ERC2: variants seen among roughly 807,000 people sequenced by gnomAD.
ERC2 encodes the protein ELKS/RAB6-interacting/CAST family member 2.
ERC2 carries 42 observed loss-of-function variants against 114.8 expected under a neutral mutation model. The ratio of observed to expected loss-of-function variants is 0.37; its 90% confidence interval spans 0.29 to 0.47. The LOEUF (loss-of-function observed/expected upper bound fraction) is 0.47, where lower values mean the gene tolerates loss of function less well. Among genes scored for constraint, ERC2 ranks in the 20% least tolerant of loss-of-function variants. The pLI is 0.99. For synonymous variants in ERC2, 454 were observed against 425.5 expected (o/e 1.07, Z -0.82); for missense variants, 939 against 1,150.7 (o/e 0.82, Z 2.66).
At position 56,081,920 on chromosome 3, in the gene ERC2, C is replaced by T. The variant is rs571550624; in HGVS notation, c.1474-936G>A. Reference sequence around the variant, plus strand: ...CCATGTTTATAAATGTACACTAATCCAGTCTTAAAATGCAACTGTGACAAA... The same window carrying T: ...CCATGTTTATAAATGTACACTAATCTAGTCTTAAAATGCAACTGTGACAAA... On this transcript the variant is annotated intron_variant, in intron 6 of 17. Coordinates refer to ENST00000288221, the MANE Select transcript of ERC2 (RefSeq NM_015576.3). Among the ~76,000 whole-genome samples the T allele has an allele frequency of 1.7e-3, 255 of 152,198 alleles. 1 individual carries two copies. Among genetic ancestry groups the T allele is most frequent in the African/African-American group, 5.8e-3 (239 of 41,532 alleles).
intron 14 of ERC2, among the ~76,000 whole-genome samples, chr3:55,791,027 T>C (rs2069966650): frequency 6.6e-6 from 1 of 152,188 alleles, no homozygotes; most frequent in South Asian, 2.1e-4. Flanking sequence ...TCAACCAGGG[T>C]CATCATGAGA....
intron 13 of ERC2, among the ~76,000 whole-genome samples, chr3:55,912,856 C>T (rs2064887864): frequency 6.6e-6 from 1 of 152,172 alleles, no homozygotes; most frequent in African/African-American, 2.4e-5. Flanking sequence ...AACAAAATCA[C>T]AAGCACAAAC....
chr3:55,873,531 A>G (rs1344853448), intron 14 of ERC2, among the ~76,000 whole-genome samples: 5 of 152,244 alleles, frequency 3.3e-5, no homozygotes, highest in Non-Finnish European at 7.3e-5. Context: ...CAGTCATGTC[A>G]TTTCCATTCA....
intron 1 of ERC2, among the ~76,000 whole-genome samples, chr3:56,460,577 A>G (rs1413524508): frequency 6.6e-6 from 1 of 152,252 alleles, no homozygotes. Flanking sequence ...CACAGTGCCT[A>G]CCACATAGTA....
chr3:55,645,349 A>C (rs1448671843), intron 17 of ERC2, among the ~76,000 whole-genome samples: 2 of 152,160 alleles, frequency 1.3e-5, no homozygotes, highest in African/African-American at 2.4e-5. Flanking sequence ...AAGAGTCTGC[A>C]AAAAAATATT....
intron 14 of ERC2, among the ~76,000 whole-genome samples, chr3:55,834,154 A>C (rs944772195): frequency 1.2e-4 from 19 of 152,232 alleles, no homozygotes; most frequent in African/African-American, 4.6e-4. Flanking sequence ...CCCACACATT[A>C]ATAATGGGAG....
intron 2 of ERC2, among the ~76,000 whole-genome samples, chr3:56,308,930 C>G (rs993664928): frequency 1.7e-4 from 26 of 152,122 alleles, no homozygotes; most frequent in African/African-American, 6.3e-4. Flanking sequence ...TTAATCACTT[C>G]CTAGTTTGTC....
At chr3:55,595,800 T>C (rs561241162) in intron 17 of ERC2, among the ~76,000 whole-genome samples, 128 of 152,330 alleles carry the variant, frequency 8.4e-4, no homozygotes, top group African/African-American at 2.6e-3. Context: ...GCCGCCATGT[T>C]ATCTATAAAC....
At chr3:56,214,063 G>A (rs1450956170) in intron 3 of ERC2, among the ~76,000 whole-genome samples, 1 of 152,154 alleles carries the variant, frequency 6.6e-6, no homozygotes, top group East Asian at 1.9e-4. Flanking sequence ...AAAAAACAGA[G>A]CAGAAAAACT....
At chr3:55,992,699 G>A (rs1042593219) in intron 10 of ERC2, among the ~76,000 whole-genome samples, 1 of 152,084 alleles carries the variant, frequency 6.6e-6, no homozygotes, top group Admixed American at 6.5e-5. Context: ...GAACTATCAA[G>A]GGCACATGTA....
At chr3:56,414,488 C>T (rs971885933) in intron 2 of ERC2, among the ~76,000 whole-genome samples, 3 of 151,958 alleles carry the variant, frequency 2.0e-5, no homozygotes, top group Admixed American at 6.6e-5. Flanking sequence ...TTTGGGAGGC[C>T]GAGGTAGGTG....
chr3:56,221,875 C>T (rs146640309), intron 3 of ERC2, among the ~76,000 whole-genome samples: 10 of 151,178 alleles, frequency 6.6e-5, no homozygotes, highest in Admixed American at 5.9e-4. Context: ...CCAGCCTGGG[C>T]GACAGAGCAA....
chr3:55,529,748 T>C (rs144819433), intron 17 of ERC2, among the ~76,000 whole-genome samples: 3 of 152,300 alleles, frequency 2.0e-5, no homozygotes, highest in African/African-American at 7.2e-5. Context: ...AACTGCTGCA[T>C]CACACAGTCA....
At chr3:55,599,956 T>C (rs1191990815) in intron 17 of ERC2, among the ~76,000 whole-genome samples, 2 of 152,140 alleles carry the variant, frequency 1.3e-5, no homozygotes, top group Non-Finnish European at 2.9e-5. Context: ...AAAAAGCTCA[T>C]GTGAGGCACC....
chr3:56,010,518 G>A lies in ERC2; in HGVS notation c.1851C>T (p.Ser617=). ...TCAGGTCTTTGTTCTCTTTTCGGAA[G>A]GATTCTATCTCTTCTAGTCTTTCCC... ...DDRERLEEIE[S]FRKENKDLKE... The change falls in exon 9 of 18, where the codon TCC becomes TCT. Residue 617 remains serine, a synonymous_variant. Transcript: ENST00000288221. 7 of 1,613,658 alleles carry A rather than the reference G, an allele frequency of 4.3e-6. No homozygotes were observed. Among genetic ancestry groups the A allele is most frequent in the South Asian group, 1.1e-5 (1 of 91,068 alleles).
chr3:56,331,274 A>G (rs2057600527), intron 2 of ERC2, among the ~76,000 whole-genome samples: 1 of 152,162 alleles, frequency 6.6e-6, no homozygotes, highest in African/African-American at 2.4e-5. Context: ...ATCTGCCTTT[A>G]GCAAGAATCT....
intron 15 of ERC2, among the ~76,000 whole-genome samples, chr3:55,705,385 G>A (rs2148839409): frequency 6.6e-6 from 1 of 152,296 alleles, no homozygotes; most frequent in South Asian, 2.1e-4. Flanking sequence ...CACCAAATGT[G>A]AGATATGCAA....
At chr3:56,176,124 A>G (rs748922224) in intron 3 of ERC2, among the ~76,000 whole-genome samples, 1 of 152,240 alleles carries the variant, frequency 6.6e-6, no homozygotes, top group Non-Finnish European at 1.5e-5. Context: ...AGTTTCTCTT[A>G]GTAAGTGTTA....
At position 56,452,120 on chromosome 3, in the gene ERC2, T is replaced by C. The variant is rs578143486; in HGVS notation, c.-141+16128A>G. The stretch of plus-strand genomic sequence containing the variant: ...TTTATTTCAGAAATCTGAAAACAAA[T>C]AATGTAAGGATATTCTTGATCAGCA... On this transcript the variant is annotated intron_variant, in intron 1 of 17. Transcript: ENST00000288221. 2.0e-5 allele frequency among the ~76,000 whole-genome samples: 3 copies of C among 152,312 alleles called. No individual in the cohort carries two copies. The East Asian group carries it at 5.8e-4, about 29-fold the overall frequency.
Sources: allele counts gnomAD v4.1 joint callset (sites outside exome capture counted in the v4.1 genomes callset), GRCh38; gene constraint gnomAD v4.1.1; transcripts MANE v1.5; gene names NCBI Gene and HGNC (gene_info 2026-07-23, HGNC 2026-07-21).